HDAC9: variants seen among roughly 807,000 people sequenced by gnomAD.
The protein encoded by HDAC9 is MEF-2 interacting transcription repressor (MITR) protein.
HDAC9 carries 41 observed loss-of-function variants against 139.4 expected under a neutral mutation model. That is an observed-to-expected ratio of 0.29 (90% CI 0.23 to 0.38). HDAC9 has a LOEUF of 0.38. Ranked by LOEUF, HDAC9 falls within the 10% of genes least tolerant of loss-of-function variation. The pLI is 1.00. For synonymous variants in HDAC9, 517 were observed against 476.2 expected (o/e 1.09, Z -1.12); for missense variants, 1,147 against 1,297.0 (o/e 0.88, Z 1.78).
intron 6 of HDAC9, among the ~76,000 whole-genome samples, chr7:18,600,791 T>A (rs1291709838): frequency 3.9e-5 from 6 of 152,156 alleles, no homozygotes; most frequent in Non-Finnish European, 7.4e-5. Context: ...AATCTGTTTG[T>A]CAATAACCAC....
chr7:18,330,785 G>A (rs1218597726), intron 1 of HDAC9, among the ~76,000 whole-genome samples: 1 of 151,700 alleles, frequency 6.6e-6, no homozygotes, highest in East Asian at 1.9e-4. Context: ...ACTGGCAGGT[G>A]CCTTGGTAAT....
At chr7:18,166,374 G>A (rs1205153833) in intron 2 of HDAC9, among the ~76,000 whole-genome samples, 1 of 152,176 alleles carries the variant, frequency 6.6e-6, no homozygotes, top group Non-Finnish European at 1.5e-5. Context: ...AAGGTTTATA[G>A]CAAGATCTTA....
Position 18,980,815 on chromosome 7 carries a change from C to T in HDAC9, c.3170+4862C>T, listed in dbSNP as rs576230219. Among the ~76,000 whole-genome samples the T allele has an allele frequency of 3.4e-5, 5 of 146,838 alleles. No individual in the cohort carries two copies. The South Asian group carries it at 8.8e-4, about 26-fold the overall frequency. On this transcript the variant is annotated intron_variant, in intron 25 of 25. Coordinates refer to ENST00000686413, the MANE Select transcript of HDAC9 (RefSeq NM_178425.4). Reference sequence around the variant, plus strand: ...TTCCTTCTTCCTTCTTCCTTCTCCTCCGTCTCCTTCTTCTTCTTTTTTTTT... The same window carrying T: ...TTCCTTCTTCCTTCTTCCTTCTCCTTCGTCTCCTTCTTCTTCTTTTTTTTT...
intron 23 of HDAC9, among the ~76,000 whole-genome samples, chr7:18,952,825 T>C (rs1782894490): frequency 6.6e-6 from 1 of 151,514 alleles, no homozygotes; most frequent in African/African-American, 2.4e-5. Context: ...ATGTTTTTTT[T>C]TTTTTTTCCT....
chr7:18,383,782 G>A (rs1460396599), intron 1 of HDAC9, among the ~76,000 whole-genome samples: 4 of 151,228 alleles, frequency 2.6e-5, no homozygotes, highest in African/African-American at 9.7e-5. Flanking sequence ...CCAGCTACAC[G>A]GAAGGCTGAG....
intron 17 of HDAC9, among the ~76,000 whole-genome samples, chr7:18,815,228 C>A (rs1049064271): frequency 6.6e-6 from 1 of 151,716 alleles, no homozygotes; most frequent in Non-Finnish European, 1.5e-5. Flanking sequence ...TGAAGTTTTG[C>A]ATACTTGGGC....
intron 11 of HDAC9, among the ~76,000 whole-genome samples, chr7:18,665,266 G>A (rs2285443): frequency 0.29 from 43,734 of 151,958 alleles, 8,534 homozygotes; most frequent in African/African-American, 0.53. Flanking sequence ...AGAAAACTTA[G>A]CAACTCTTGA....
At chr7:18,420,339 T>C (rs1789501275) in intron 1 of HDAC9, among the ~76,000 whole-genome samples, 1 of 152,220 alleles carries the variant, frequency 6.6e-6, no homozygotes, top group Non-Finnish European at 1.5e-5. Context: ...TTGTGATTGC[T>C]AGAGGTAACG....
At chr7:18,979,285 T>C (rs750973711) in intron 25 of HDAC9, among the ~76,000 whole-genome samples, 22 of 152,104 alleles carry the variant, frequency 1.4e-4, no homozygotes, top group Non-Finnish European at 2.9e-4. Flanking sequence ...TCCAATGACA[T>C]CAAAAACCCC....
intron 1 of HDAC9, among the ~76,000 whole-genome samples, chr7:18,125,617 T>C (rs1344771958): frequency 6.6e-6 from 1 of 152,124 alleles, no homozygotes; most frequent in East Asian, 1.9e-4. Context: ...TATCTACTTA[T>C]CTATCTCAGG....
At chr7:18,410,345 A>G (rs1788429624) in intron 1 of HDAC9, among the ~76,000 whole-genome samples, 1 of 152,132 alleles carries the variant, frequency 6.6e-6, no homozygotes, top group Non-Finnish European at 1.5e-5. Flanking sequence ...CAATGGACAT[A>G]ATGAAGAAAG....
At chr7:18,786,611 T>TTTCG (rs1791794248) in intron 16 of HDAC9, among the ~76,000 whole-genome samples, 1 of 35,254 alleles carries the variant, frequency 2.8e-5, no homozygotes, top group African/African-American at 9.6e-5. Flanking sequence ...CCTTCCTTCC[T>TTTCG]TCCTTCCCTC....
intron 1 of HDAC9, among the ~76,000 whole-genome samples, chr7:18,374,078 T>C (rs1458564030): frequency 6.6e-6 from 1 of 151,790 alleles, no homozygotes; most frequent in Non-Finnish European, 1.5e-5. Flanking sequence ...TTCTTTTACA[T>C]TGAAAAAATG....
intron 22 of HDAC9, 135 bp downstream of exon 22, chr7:18,874,731 A>G (rs1799190598): frequency 3.3e-6 from 2 of 613,812 alleles, no homozygotes; most frequent in Non-Finnish European, 2.9e-6. Flanking sequence ...GGTGGTGTTT[A>G]TTGCTCTGTC....
At chr7:18,985,516 G>A (rs183711390) in intron 25 of HDAC9, among the ~76,000 whole-genome samples, 2,925 of 152,168 alleles carry the variant, frequency 0.019, 50 homozygotes, top group Non-Finnish European at 0.027. Context: ...TGTGAATAGT[G>A]CCGCAATAAA....
intron 2 of HDAC9, chr7:18,162,600 G>A: frequency 2.0e-6 from 1 of 500,222 alleles, no homozygotes; most frequent in Non-Finnish European, 3.6e-6. Context: ...CTGCTTCCAA[G>A]GTAACATTCA....
intron 9 of HDAC9, among the ~76,000 whole-genome samples, chr7:18,646,062 CA>C (rs1196613124): frequency 2.6e-5 from 4 of 151,230 alleles, no homozygotes; most frequent in Non-Finnish European, 4.4e-5. Flanking sequence ...AAATGAAAAA[CA>C]AAAAAAGGAA....
At chr7:18,451,992 G>C (rs1792914118) in intron 1 of HDAC9, among the ~76,000 whole-genome samples, 1 of 152,094 alleles carries the variant, frequency 6.6e-6, no homozygotes, top group East Asian at 1.9e-4. Context: ...GGACTGTGTG[G>C]AACCTAAAAC....
intron 1 of HDAC9, among the ~76,000 whole-genome samples, chr7:18,356,467 C>T (rs1398382753): frequency 6.9e-6 from 1 of 145,300 alleles, no homozygotes; most frequent in East Asian, 2.1e-4. Context: ...TTCATCCTGA[C>T]GACCTCACAG....
Sources: allele counts gnomAD v4.1 joint callset (sites outside exome capture counted in the v4.1 genomes callset), GRCh38; gene constraint gnomAD v4.1.1; transcripts MANE v1.5; gene names NCBI Gene and HGNC (gene_info 2026-07-23, HGNC 2026-07-21).